The following PDE4B variants were observed in gnomAD, a reference collection of about 807,000 sequenced individuals.
PDE4B encodes the protein phosphodiesterase 4B, also known as 3',5'-cyclic-AMP phosphodiesterase 4B.
A neutral mutation model predicts 82.2 loss-of-function variants in PDE4B; 20 were observed. The ratio of observed to expected loss-of-function variants is 0.24; its 90% confidence interval spans 0.17 to 0.35. The LOEUF (loss-of-function observed/expected upper bound fraction) is 0.35. Ranked by LOEUF, PDE4B falls within the 10% of genes least tolerant of loss-of-function variation. PDE4B has a pLI of 1.00. For synonymous variants in PDE4B, 320 were observed against 318.9 expected, an observed-to-expected ratio of 1.00 and a Z score of -0.04; for missense variants, 655 against 907.2, an observed-to-expected ratio of 0.72 and a Z score of 3.57.
intron 6 of PDE4B, 78 bp from the exon 7 acceptor site, chr1:66,265,960 C>A (rs1345708537): frequency 5.9e-6 from 6 of 1,024,078 alleles, no homozygotes; most frequent in South Asian, 1.3e-5. Flanking sequence ...TCCTCAGTAA[C>A]CATGAGGGTG....
At chr1:66,328,616 C>T (rs1659897195) in intron 7 of PDE4B, among the ~76,000 whole-genome samples, 1 of 152,174 alleles carries the variant, frequency 6.6e-6, no homozygotes, top group Non-Finnish European at 1.5e-5. Flanking sequence ...TCATGCACTT[C>T]CTCACTTCCT....
At chr1:66,122,707 T>TTC (rs1553148906) in intron 3 of PDE4B, among the ~76,000 whole-genome samples, 2 of 145,894 alleles carry the variant, frequency 1.4e-5, no homozygotes, top group Admixed American at 6.8e-5. Flanking sequence ...TCTTTTCTTT[T>TTC]TTTTTTTTTT....
chr1:66,160,468 T>G (rs1443974612), intron 3 of PDE4B, among the ~76,000 whole-genome samples: 1 of 152,204 alleles, frequency 6.6e-6, no homozygotes, highest in Non-Finnish European at 1.5e-5. Context: ...AAATCACTTT[T>G]TACCAGTTAC....
At position 66,368,776 on chromosome 1, in the gene PDE4B, G is replaced by C. The variant is rs570079723; in HGVS notation, c.1663-11G>C. On this transcript the variant is annotated splice_polypyrimidine_tract_variant and intron_variant, in intron 15 of 16. Transcript: ENST00000341517. Reference sequence around the variant, plus strand: ...TAATTTTATGAGATTTCCAAAACTTGATGATTTCAGGTCCTTCGCAACATG... The same window carrying C: ...TAATTTTATGAGATTTCCAAAACTTCATGATTTCAGGTCCTTCGCAACATG... The C allele has an allele frequency of 7.4e-6, 11 of 1,496,314 alleles. No individual in the cohort carries two copies. The African/African-American group carries it at 1.1e-4, about 15-fold the overall frequency. The allele number at this position is 1,496,314 out of a possible 1,614,324, so 92.7% of individuals were successfully genotyped here. A position where few individuals can be genotyped will look rare whatever the true frequency, so the allele number is the denominator to read the frequency against.
intron 1 of PDE4B, among the ~76,000 whole-genome samples, chr1:65,855,812 G>A (rs1457116889): frequency 6.6e-6 from 1 of 151,980 alleles, no homozygotes; most frequent in Non-Finnish European, 1.5e-5. Flanking sequence ...TTCTGCTTGG[G>A]ATCTATTTTC....
At chr1:66,026,819 G>A (rs1033938815) in intron 3 of PDE4B, among the ~76,000 whole-genome samples, 2 of 152,172 alleles carry the variant, frequency 1.3e-5, no homozygotes, top group Non-Finnish European at 2.9e-5. Flanking sequence ...TAACACAAAT[G>A]CGTGTTCTTC....
rs895860206 is a variant in PDE4B, at chr1:65,830,386, A to G, written c.-71+37138A>G. Among the ~76,000 whole-genome samples, 24 of 152,162 alleles carry G rather than the reference A, an allele frequency of 1.6e-4. 1 individual carries two copies. The highest frequency in any genetic ancestry group is 8.8e-5 in the Non-Finnish European group (6 of 68,018). On this transcript the variant is annotated intron_variant, in intron 1 of 16. Coordinates refer to ENST00000341517, the MANE Select transcript of PDE4B (RefSeq NM_002600.4). ...ACTGTACTTTGTGTCTTGCTTCCAA[A>G]TAATTGAATCTGCAAAAGGAAATAA...
At chr1:66,135,217 T>C (rs868574889) in intron 3 of PDE4B, among the ~76,000 whole-genome samples, 2 of 152,158 alleles carry the variant, frequency 1.3e-5, no homozygotes, top group Non-Finnish European at 2.9e-5. Flanking sequence ...TTGAGATAAA[T>C]ATAGGCAGGT....
intron 3 of PDE4B, among the ~76,000 whole-genome samples, chr1:65,988,697 C>T (rs576885353): frequency 8.6e-5 from 13 of 152,008 alleles, no homozygotes; most frequent in Admixed American, 3.3e-4. Context: ...ATTGTCTTCT[C>T]AAATATCCAG....
chr1:66,054,819 T>C (rs1194988667), intron 3 of PDE4B, among the ~76,000 whole-genome samples: 1 of 152,218 alleles, frequency 6.6e-6, no homozygotes, highest in Non-Finnish European at 1.5e-5. Flanking sequence ...TCATGGTTCC[T>C]CCTTATCTAT....
chr1:65,799,951 G>A (rs1407150611), intron 1 of PDE4B, among the ~76,000 whole-genome samples: 3 of 152,142 alleles, frequency 2.0e-5, no homozygotes, highest in African/African-American at 7.2e-5. Context: ...TGGAGAAACA[G>A]TGTCCTTTTG....
intron 4 of PDE4B, among the ~76,000 whole-genome samples, chr1:66,255,075 T>A (rs1277832827): frequency 6.6e-6 from 1 of 151,864 alleles, no homozygotes. Flanking sequence ...TTTTTTTCTC[T>A]TTCTTTCTTT....
At chr1:66,071,266 A>G (rs554734340) in intron 3 of PDE4B, among the ~76,000 whole-genome samples, 22 of 152,168 alleles carry the variant, frequency 1.4e-4, no homozygotes, top group African/African-American at 5.3e-4. Flanking sequence ...TTGGCTGTCC[A>G]CTTACTATAT....
intron 3 of PDE4B, among the ~76,000 whole-genome samples, chr1:66,051,269 T>C (rs555097880): frequency 6.6e-6 from 1 of 152,052 alleles, no homozygotes; most frequent in East Asian, 1.9e-4. Flanking sequence ...GTATTGAAGA[T>C]TGTGATAGAA....
intron 3 of PDE4B, among the ~76,000 whole-genome samples, chr1:66,196,264 A>G (rs1342352915): frequency 1.3e-5 from 2 of 152,170 alleles, no homozygotes; most frequent in African/African-American, 4.8e-5. Context: ...AAACTAGAAA[A>G]CCCTGGACAA....
chr1:65,955,265 A>G (rs186753040), intron 3 of PDE4B, among the ~76,000 whole-genome samples: 174 of 152,200 alleles, frequency 1.1e-3, no homozygotes, highest in Non-Finnish European at 9.4e-4. Context: ...GCACTGACAC[A>G]TAAAGACCTT....
intron 3 of PDE4B, among the ~76,000 whole-genome samples, chr1:66,170,705 G>A (rs1646820717): frequency 6.6e-6 from 1 of 152,038 alleles, no homozygotes; most frequent in Admixed American, 6.6e-5. Flanking sequence ...AGTTCATATT[G>A]CTTAAAATAT....
At position 66,153,117 on chromosome 1, in the gene PDE4B, C is replaced by T. The variant is rs762231659; in HGVS notation, c.282-94343C>T. On this transcript the variant is annotated intron_variant, in intron 3 of 16. Coordinates refer to ENST00000341517, the MANE Select transcript of PDE4B (RefSeq NM_002600.4). ...ACATGGAACATGCTTCCCTCTCCCA[C>T]CTTGTATTTTCCATGACTTCTCATG... Among the ~76,000 whole-genome samples the T allele has an allele frequency of 1.2e-4, 18 of 152,304 alleles. No individual in the cohort carries two copies. In the East Asian group the frequency reaches 2.7e-3, roughly 23 times the overall value.
At chr1:65,882,609 T>C (rs1646721142) in intron 1 of PDE4B, among the ~76,000 whole-genome samples, 1 of 131,738 alleles carries the variant, frequency 7.6e-6, no homozygotes, top group Admixed American at 8.3e-5. Context: ...GTAAAAGATT[T>C]ATAATGTAAG....
Sources: gnomAD v4.1 joint callset for allele counts (sites outside exome capture counted in the v4.1 genomes callset) on GRCh38, gnomAD v4.1.1 for gene constraint, MANE v1.5 for transcripts, NCBI Gene and HGNC (gene_info 2026-07-23, HGNC 2026-07-21) for gene names.